The following CDK5RAP2 variants were observed in gnomAD, a reference collection of about 807,000 sequenced individuals.
The protein encoded by CDK5RAP2 is CDK5 regulatory subunit-associated protein 2.
A neutral mutation model predicts 232.9 loss-of-function variants in CDK5RAP2; 147 were observed. That is an observed-to-expected ratio of 0.63 (90% CI 0.55 to 0.72). CDK5RAP2 has a LOEUF of 0.72. Among genes scored for constraint, CDK5RAP2 ranks in the 30% least tolerant of loss-of-function variants. The pLI is 0.00. For missense variants in CDK5RAP2, 2,195 were observed against 2,231.5 expected, an observed-to-expected ratio of 0.98 and a Z score of 0.33; for synonymous variants, 833 against 833.7, an observed-to-expected ratio of 1.00 and a Z score of 0.01.
intron 3 of CDK5RAP2, among the ~76,000 whole-genome samples, chr9:120,567,225 A>G (rs1475252100): frequency 6.6e-6 from 1 of 152,262 alleles, no homozygotes; most frequent in Non-Finnish European, 1.5e-5. Context: ...CTGAAATTAT[A>G]ACAACCCAAA....
At chr9:120,491,818 A>G (rs1348008673) in intron 12 of CDK5RAP2, among the ~76,000 whole-genome samples, 1 of 152,206 alleles carries the variant, frequency 6.6e-6, no homozygotes, top group Non-Finnish European at 1.5e-5. Flanking sequence ...AACAAACCAG[A>G]GTATCAAACT....
intron 12 of CDK5RAP2, among the ~76,000 whole-genome samples, chr9:120,511,943 G>T (rs114691073): frequency 6.6e-6 from 1 of 151,946 alleles, no homozygotes. Context: ...TCACCATGTC[G>T]ACCAGGCTGG....
At chr9:120,458,332 A>C in intron 20 of CDK5RAP2, 118 bp downstream of exon 20, 1 of 983,712 alleles carries the variant, frequency 1.0e-6, no homozygotes, top group East Asian at 2.5e-5. Flanking sequence ...CTTCCAAGCC[A>C]TTTCAGGAGC....
chr9:120,435,237 GGTTT>G (rs200820573), intron 25 of CDK5RAP2, among the ~76,000 whole-genome samples: 1,584 of 152,198 alleles, frequency 0.01, 23 homozygotes, highest in African/African-American at 0.036. Context: ...TCTTCCAGTG[GGTTT>G]GTTTTTCACA....
chr9:120,392,843 GGGGGACTGCTGCAGCCCCCAAAGA>G (rs1319712056), intron 36 of CDK5RAP2, among the ~76,000 whole-genome samples: 17 of 152,138 alleles, frequency 1.1e-4, no homozygotes, highest in African/African-American at 4.1e-4. Flanking sequence ...CTGCCCACCT[GGGGGACTGCTGCAGCCCCCAAAGA>G]GGTCTTCCCG....
intron 25 of CDK5RAP2, among the ~76,000 whole-genome samples, chr9:120,429,664 T>G (rs200335766): frequency 0.031 from 4,758 of 152,156 alleles, 91 homozygotes; most frequent in East Asian, 0.042. Flanking sequence ...GAATCAATAT[T>G]GTGAAAATGG....
chr9:120,416,434 A>C (rs944196601), intron 27 of CDK5RAP2, among the ~76,000 whole-genome samples: 2 of 152,278 alleles, frequency 1.3e-5, no homozygotes, highest in African/African-American at 4.8e-5. Context: ...ACTTCACAAT[A>C]TCACAGAACT....
intron 1 of CDK5RAP2, among the ~76,000 whole-genome samples, chr9:120,574,576 A>G (rs1184130759): frequency 6.6e-6 from 1 of 152,190 alleles, no homozygotes; most frequent in African/African-American, 2.4e-5. Flanking sequence ...AAGCTCCTAT[A>G]TAAATGTGAC....
intron 4 of CDK5RAP2, among the ~76,000 whole-genome samples, chr9:120,547,727 C>A (rs1447853855): frequency 6.6e-6 from 1 of 152,160 alleles, no homozygotes; most frequent in Non-Finnish European, 1.5e-5. Context: ...ACAGTAAGGT[C>A]ATGGGTGTGT....
chr9:120,454,469 G>A (rs1183617877), intron 20 of CDK5RAP2, among the ~76,000 whole-genome samples: 1 of 152,216 alleles, frequency 6.6e-6, no homozygotes, highest in Non-Finnish European at 1.5e-5. Flanking sequence ...ACAATTCTCT[G>A]AAAAGAAGAT....
At chr9:120,437,001 G>C (rs369389155) in intron 25 of CDK5RAP2, among the ~76,000 whole-genome samples, 20 of 152,106 alleles carry the variant, frequency 1.3e-4, no homozygotes, top group African/African-American at 4.8e-4. Context: ...TGGCAACTAC[G>C]TGACCACTGC....
intron 12 of CDK5RAP2, among the ~76,000 whole-genome samples, chr9:120,494,586 A>G (rs2039066063): frequency 6.6e-6 from 1 of 151,348 alleles, no homozygotes; most frequent in Non-Finnish European, 1.5e-5. Flanking sequence ...AGTATCTGCA[A>G]GTCCATACTG....
At chr9:120,392,014 T>C (rs1226219012) in intron 36 of CDK5RAP2, among the ~76,000 whole-genome samples, 1 of 152,148 alleles carries the variant, frequency 6.6e-6, no homozygotes, top group Non-Finnish European at 1.5e-5. Context: ...GATATGGAGA[T>C]GGACAATACC....
intron 35 of CDK5RAP2, among the ~76,000 whole-genome samples, chr9:120,399,642 A>G (rs180830007): frequency 4.3e-4 from 65 of 152,356 alleles, no homozygotes; most frequent in African/African-American, 1.4e-3. Flanking sequence ...CCTAAGCCTA[A>G]GATGGAACAG....
intron 11 of CDK5RAP2, among the ~76,000 whole-genome samples, chr9:120,522,523 T>A (rs2040718037): frequency 6.6e-6 from 1 of 152,250 alleles, no homozygotes; most frequent in African/African-American, 2.4e-5. Context: ...GAGGTGAGTT[T>A]ACTGATGATT....
At chr9:120,507,925 AAAAAAAAAAAAAAAAAAATATATATAT>A (rs1196894579) in intron 12 of CDK5RAP2, among the ~76,000 whole-genome samples, 11 of 67,916 alleles carry the variant, frequency 1.6e-4, no homozygotes, top group African/African-American at 5.1e-4. Context: ...AAAAAAAAAA[AAAAAAAAAAAAAAAAAAATATATATAT>A]ATATATATAT....
chr9:120,520,813 A>G (rs1270750354), intron 11 of CDK5RAP2, among the ~76,000 whole-genome samples: 1 of 118,010 alleles, frequency 8.5e-6, no homozygotes, highest in Non-Finnish European at 1.9e-5. Context: ...CATGAGATAT[A>G]TCTCATATAT....
intron 5 of CDK5RAP2, among the ~76,000 whole-genome samples, chr9:120,540,169 C>G (rs2041569184): frequency 6.6e-6 from 1 of 152,188 alleles, no homozygotes; most frequent in East Asian, 1.9e-4. Context: ...AGACGCAGGA[C>G]TACAACCACC....
At chr9:120,472,398 G>C (rs541002154) in intron 15 of CDK5RAP2, among the ~76,000 whole-genome samples, 1 of 152,252 alleles carries the variant, frequency 6.6e-6, no homozygotes, top group East Asian at 1.9e-4. Flanking sequence ...AGAGGGCTTG[G>C]GTATAGAAAG....
Sources: gnomAD v4.1 joint callset for allele counts (sites outside exome capture counted in the v4.1 genomes callset) on GRCh38, gnomAD v4.1.1 for gene constraint, MANE v1.5 for transcripts, NCBI Gene and HGNC (gene_info 2026-07-23, HGNC 2026-07-21) for gene names.